The following TAF8 variants were observed in gnomAD, a reference collection of about 807,000 sequenced individuals.
The protein encoded by TAF8 is transcription initiation factor TFIID subunit 8.
In TAF8, 47 loss-of-function variants were observed where a neutral mutation model predicts 36.5. That is an observed-to-expected ratio of 1.29 (90% CI 1.02 to 1.64). The LOEUF (loss-of-function observed/expected upper bound fraction) is 1.64, where lower values mean the gene tolerates loss of function less well. Among genes scored for constraint, TAF8 ranks in the 40% most tolerant of loss-of-function variants. TAF8 has a pLI of 0.00. For synonymous variants in TAF8, 175 were observed against 159.5 expected, an observed-to-expected ratio of 1.10 and a Z score of -0.73; for missense variants, 420 against 407.6, an observed-to-expected ratio of 1.03 and a Z score of -0.26.
Position 42,057,393 on chromosome 6 carries a change from G to C in TAF8, c.369G>C (p.Pro123=). The change falls in exon 5 of 9, where the codon CCG becomes CCC. Residue 123 remains proline, a synonymous_variant. Transcript: ENST00000372977. ...RSQRMVITAP[P]VTNQPVTPKA... is the part of the protein sequence containing the mutation. ...TCAGTTGTGACTCTGTTGCAGCTCC[G>C]GTGACCAATCAGCCAGTGACCCCCA... is the stretch of plus-strand genomic sequence containing the variant. 1 of 1,613,978 alleles carries C rather than the reference G, an allele frequency of 6.2e-7. No homozygotes were observed. Among genetic ancestry groups the C allele is most frequent in the East Asian group, 2.2e-5 (1 of 44,872 alleles).
rs745361494 is a variant in TAF8 at position 42,068,625 on chromosome 6, C to G, written c.780+18C>G. 6 of 1,610,004 alleles carry G rather than the reference C, an allele frequency of 3.7e-6. No homozygotes were observed. The East Asian group carries it at 8.9e-5, about 24-fold the overall frequency. On this transcript the variant is annotated intron_variant, in intron 7 of 8. Transcript: ENST00000372977. ...TCAGCATGGTGGGTTCCACCTTCTG[C>G]CTACCTCAGAGTATCCCCCAAACTG...
chr6:42,056,373 T>C (rs1327791296), intron 4 of TAF8: 8 of 248,712 alleles, frequency 3.2e-5, no homozygotes, highest in Non-Finnish European at 4.8e-5. Flanking sequence ...AATAAAGTCT[T>C]ATCGGAATGC....
downstream of TAF8, among the ~76,000 whole-genome samples, chr6:42,083,856 G>C (rs1765984147): frequency 6.6e-6 from 1 of 152,102 alleles, no homozygotes; most frequent in African/African-American, 2.4e-5. Flanking sequence ...GGATACAAGG[G>C]AGTGGCAAGG....
chr6:42,071,304 G>A, intron 7 of TAF8: 1 of 210,140 alleles, frequency 4.8e-6, no homozygotes, highest in Non-Finnish European at 9.3e-6. Flanking sequence ...TTATTTGCCT[G>A]GACATACTTT....
downstream of TAF8, chr6:42,086,592 C>A: frequency 2.1e-6 from 2 of 934,286 alleles, no homozygotes; most frequent in Non-Finnish European, 3.4e-6. Context: ...TTTAAATCAT[C>A]ACAAGCAGCT....
chr6:42,060,994 A>G (rs1016976491), intron 5 of TAF8, among the ~76,000 whole-genome samples: 7 of 152,232 alleles, frequency 4.6e-5, no homozygotes, highest in African/African-American at 1.7e-4. Flanking sequence ...CAAAAGGTTT[A>G]GCAATGTTTA....
At position 42,079,995 on chromosome 6, in the gene TAF8, TA is replaced by T. The variant is rs5875786; in HGVS notation, c.*2463del. ...TCAGGAACGGAAGAGGGGACGCTAGTAAAAAAAAAAAAATTGGATTCCCCAA... is the reference window on the plus strand; with the variant it reads ...TCAGGAACGGAAGAGGGGACGCTAGTAAAAAAAAAAAATTGGATTCCCCAA... On this transcript the variant is annotated 3_prime_UTR_variant, in exon 9 of 9. Coordinates refer to ENST00000372977, the MANE Select transcript of TAF8 (RefSeq NM_138572.3). The T allele has an allele frequency of 0.21, 188,298 of 913,390 alleles. 8,227 individuals are homozygous for T. The highest frequency in any genetic ancestry group is 0.32 in the African/African-American group (17,410 of 53,660). The allele number at this position is 913,390 out of a possible 1,614,324, so 56.6% of individuals were successfully genotyped here.
At chr6:42,057,366 A>C (rs1225509976) in intron 4 of TAF8, 23 bp from the exon 5 acceptor site, 1 of 1,613,920 alleles carries the variant, frequency 6.2e-7, no homozygotes, top group Non-Finnish European at 8.5e-7. Flanking sequence ...GTGGAGGGGT[A>C]ATCAGTTGTG....
chr6:42,058,589 C>G (rs143198596), intron 5 of TAF8, among the ~76,000 whole-genome samples: 2 of 152,156 alleles, frequency 1.3e-5, no homozygotes, highest in African/African-American at 4.8e-5. Flanking sequence ...CAAGCCCTCA[C>G]GTCCTCTGGG....
At chr6:42,068,714 C>A in intron 7 of TAF8, 107 bp downstream of exon 7, 1 of 1,419,340 alleles carries the variant, frequency 7.0e-7, no homozygotes, top group Non-Finnish European at 9.7e-7. Context: ...GTCTCTTTGG[C>A]TTTCTGTTAG....
rs549053915 is a variant in TAF8 at position 42,077,906 on chromosome 6, G to C, written c.*361G>C. The C allele has an allele frequency of 2.9e-5, 10 of 344,712 alleles. No homozygotes were observed. The highest frequency in any genetic ancestry group is 4.1e-5 in the Non-Finnish European group (9 of 218,420). 21.4% of individuals were successfully genotyped at this position (344,712 alleles called of 1,614,324 possible). A position where few individuals can be genotyped will look rare whatever the true frequency, so the allele number is the denominator to read the frequency against. On this transcript the variant is annotated 3_prime_UTR_variant, in exon 9 of 9. Transcript: ENST00000372977. ...CGAGTAGCTGGGACTAGAGGCAAGC[G>C]CCACCATGCTGGCTAATTTTTGTAT...
At chr6:42,052,665 C>T (rs560321825) in intron 2 of TAF8, among the ~76,000 whole-genome samples, 8 of 152,178 alleles carry the variant, frequency 5.3e-5, no homozygotes, top group Middle Eastern at 3.4e-3. Flanking sequence ...TTTAGAAGCC[C>T]GGGTGTGGTC....
chr6:42,078,958 C>A lies in TAF8; in HGVS notation c.*1413C>A. Reference sequence around the variant, plus strand: ...CCAACATAGTGAAACCCCGTCTCTACTAAAAATACAAAAATTAGCCGGGTG... The same window carrying A: ...CCAACATAGTGAAACCCCGTCTCTAATAAAAATACAAAAATTAGCCGGGTG... On this transcript the variant is annotated 3_prime_UTR_variant, in exon 9 of 9. Coordinates refer to ENST00000372977, the MANE Select transcript of TAF8 (RefSeq NM_138572.3). 1 of 657,812 alleles carries A rather than the reference C, an allele frequency of 1.5e-6. No homozygotes were observed. The highest frequency in any genetic ancestry group is 1.9e-6 in the Non-Finnish European group (1 of 531,446). The allele number at this position is 657,812 out of a possible 1,614,324, so 40.7% of individuals were successfully genotyped here.
At chr6:42,052,055 C>T (rs1445274490) in intron 2 of TAF8, among the ~76,000 whole-genome samples, 1 of 152,194 alleles carries the variant, frequency 6.6e-6, no homozygotes, top group Non-Finnish European at 1.5e-5. Flanking sequence ...CACTTAATAG[C>T]TTGGGCAAGC....
chr6:42,051,007 G>A, intron 1 of TAF8: 19 of 1,084,548 alleles, frequency 1.8e-5, no homozygotes, highest in Non-Finnish European at 2.1e-5. Flanking sequence ...GTGAAGATGG[G>A]AGGCACAAGA....
chr6:42,085,079 G>T (rs73735023), downstream of TAF8, among the ~76,000 whole-genome samples: 27,721 of 152,200 alleles, frequency 0.18, 3,191 homozygotes, highest in African/African-American at 0.32. Flanking sequence ...TCTAGAGGCA[G>T]TCTGTGCATA....
chr6:42,073,272 A>G (rs1765641852), intron 7 of TAF8, among the ~76,000 whole-genome samples: 1 of 152,212 alleles, frequency 6.6e-6, no homozygotes, highest in Non-Finnish European at 1.5e-5. Flanking sequence ...TGAAAAATAT[A>G]CCAGTCACTC....
rs375693095 is a variant in TAF8, at chr6:42,051,321, TCTC to T, written c.46-33_46-31del. ...CGTATGAACTATGTGATTGCATCCT[TCTC>T]CTGTGGATGAAAATCTCTCTGCTGA... On this transcript the variant is annotated intron_variant, in intron 1 of 8. Coordinates refer to ENST00000372977, the MANE Select transcript of TAF8 (RefSeq NM_138572.3). The T allele has an allele frequency of 8.4e-5, 134 of 1,596,868 alleles. 2 individuals are homozygous for T. Among genetic ancestry groups the T allele is most frequent in the East Asian group, 6.5e-4 (29 of 44,446 alleles).
Position 42,080,923 on chromosome 6 carries a change from A to G in TAF8, c.*3378A>G, listed in dbSNP as rs539667835. 182 of 985,118 alleles carry G rather than the reference A, an allele frequency of 1.8e-4. 4 individuals carry two copies. The South Asian group carries it at 5.5e-3, about 30-fold the overall frequency. The allele number at this position is 985,118 out of a possible 1,614,324, so 61.0% of individuals were successfully genotyped here. A position where few individuals can be genotyped will look rare whatever the true frequency, so the allele number is the denominator to read the frequency against. The stretch of plus-strand genomic sequence containing the variant: ...AAATAAATAGAACTGTAAGCTTTGA[A>G]CTTAATTTGTGTTCAAAAGTTAACA... On this transcript the variant is annotated 3_prime_UTR_variant, in exon 9 of 9. Coordinates refer to ENST00000372977, the MANE Select transcript of TAF8 (RefSeq NM_138572.3).
Sources: gnomAD v4.1 joint callset for allele counts (sites outside exome capture counted in the v4.1 genomes callset) on GRCh38, gnomAD v4.1.1 for gene constraint, MANE v1.5 for transcripts, NCBI Gene and HGNC (gene_info 2026-07-23, HGNC 2026-07-21) for gene names.